Variants in SMCHD1 observed in about 807,000 individuals in gnomAD.
SMCHD1 encodes structural maintenance of chromosomes flexible hinge domain containing 1.
A neutral mutation model predicts 254.7 loss-of-function variants in SMCHD1; 78 were observed. That is an observed-to-expected ratio of 0.31 (90% confidence interval 0.26 to 0.37). SMCHD1 has a LOEUF of 0.37. SMCHD1 is among the 10% of genes least tolerant of loss of function. SMCHD1 has a pLI of 1.00. For synonymous variants in SMCHD1, 766 were observed against 794.9 expected (o/e 0.96, Z 0.61); for missense variants, 1,840 against 2,408.1 (o/e 0.76, Z 4.94).
chr18:2,681,938 C>T (rs187108782), intron 5 of SMCHD1, among the ~76,000 whole-genome samples: 3 of 152,312 alleles, frequency 2.0e-5, no homozygotes, highest in African/African-American at 7.2e-5. Context: ...AAGATTTTTC[C>T]TAATATTCCT....
chr18:2,689,291 C>G (rs548315315), intron 7 of SMCHD1, among the ~76,000 whole-genome samples: 1 of 146,096 alleles, frequency 6.8e-6, no homozygotes, highest in Non-Finnish European at 1.5e-5. Context: ...AACCTCAGCT[C>G]GCTGCAACCT....
At position 2,656,243 on chromosome 18, in the gene SMCHD1, T is replaced by A; in HGVS notation, c.168T>A (p.Phe56Leu). Residue 56 changes from phenylalanine (F) to leucine (L), a missense_variant, in exon 1 of 48, where the codon TTT becomes TTA. By Grantham distance (22) the Phe-to-Leu change is conservative. Around this residue, in one of 9 missense-constraint regions of SMCHD1, gnomAD observed 115 missense variants for 99.1 expected, o/e 1.16. Coordinates refer to ENST00000320876, the MANE Select transcript of SMCHD1 (RefSeq NM_015295.3). ...GGGAGCGCTCGGACTACGCGGGATT[T>A]CGCGCGTGTGTGTGTCAGGTACGCG... ...QVGERSDYAGFRACVCQTLGI... is the reference protein window; with the variant it reads ...QVGERSDYAGLRACVCQTLGI... 1 of 1,502,712 alleles carries A rather than the reference T, an allele frequency of 6.7e-7. No individual in the cohort carries two copies. The highest frequency in any genetic ancestry group is 8.8e-7 in the Non-Finnish European group (1 of 1,135,748). 93.1% of individuals were successfully genotyped at this position (1,502,712 alleles called of 1,614,324 possible).
rs886043146 is a variant in SMCHD1 at position 2,705,693 on chromosome 18, G to A, written c.1843-1G>A. On this transcript the variant is annotated splice_acceptor_variant, in intron 13 of 47. Transcript: ENST00000320876. LOFTEE classifies it high-confidence loss of function. ...TTTTTTTTTTAAAAACTAAATATTA[G>A]GTCAAGACAATCAAGACACTTCCCC... The A allele has an allele frequency of 6.9e-7, 1 of 1,457,930 alleles. No individual in the cohort carries two copies. The highest frequency in any genetic ancestry group is 9.5e-7 in the Non-Finnish European group (1 of 1,052,674). The allele number at this position is 1,457,930 out of a possible 1,614,324, so 90.3% of individuals were successfully genotyped here.
At chr18:2,673,981 TTTCC>T (rs768244304) in intron 4 of SMCHD1, 30 bp from the exon 5 acceptor site, 51 of 1,543,960 alleles carry the variant, frequency 3.3e-5, no homozygotes, top group Non-Finnish European at 4.3e-5. Flanking sequence ...TGATTTGACT[TTTCC>T]TGTCTTTTTG....
chr18:2,795,618 G>A (rs767777147), intron 45 of SMCHD1, among the ~76,000 whole-genome samples: 1 of 152,098 alleles, frequency 6.6e-6, no homozygotes, highest in Non-Finnish European at 1.5e-5. Flanking sequence ...TGTCCACATG[G>A]AATTATATTG....
At position 2,752,474 on chromosome 18, in the gene SMCHD1, A is replaced by C; in HGVS notation, c.4282-14A>C. On this transcript the variant is annotated splice_polypyrimidine_tract_variant and intron_variant, in intron 33 of 47. Coordinates refer to ENST00000320876, the MANE Select transcript of SMCHD1 (RefSeq NM_015295.3). Reference sequence around the variant, plus strand: ...ATTTTCCCCTCTCCCCTTCTCTCCTACTCCCCTTTCTAGGCAGAAACATTT... The same window carrying C: ...ATTTTCCCCTCTCCCCTTCTCTCCTCCTCCCCTTTCTAGGCAGAAACATTT... The C allele has an allele frequency of 6.3e-7, 1 of 1,583,414 alleles. No homozygotes were observed. Among genetic ancestry groups the C allele is most frequent in the Middle Eastern group, 1.7e-4 (1 of 5,986 alleles).
intron 44 of SMCHD1, among the ~76,000 whole-genome samples, chr18:2,780,237 CT>C (rs1568374953): frequency 3.3e-5 from 1 of 29,866 alleles, no homozygotes; most frequent in Non-Finnish European, 5.2e-5. Context: ...AAGACTCTAT[CT>C]AAAAAAAAAA....
chr18:2,668,141 A>G lies in SMCHD1; in HGVS notation c.424+1110A>G, dbSNP rs530930684. 2.4e-4 allele frequency among the ~76,000 whole-genome samples: 37 copies of G among 152,240 alleles called. 1 individual carries two copies. In the South Asian group the frequency reaches 7.7e-3, roughly 32 times the overall value. ...GTGATCCTCCCGCCTCGGCCTCCCA[A>G]AGTGCTGGGATTACAGGTATAAGCC... On this transcript the variant is annotated intron_variant, in intron 3 of 47. Transcript: ENST00000320876.
rs1221203999 is a variant in SMCHD1, at chr18:2,804,077, C to T, written c.*1525C>T. On this transcript the variant is annotated 3_prime_UTR_variant, in exon 48 of 48. Transcript: ENST00000320876. Reference sequence around the variant, plus strand: ...CGTACCAATATTTGGAGTCCTTAGACATTAGATTATATGAAAATGATTGAT... The same window carrying T: ...CGTACCAATATTTGGAGTCCTTAGATATTAGATTATATGAAAATGATTGAT... 2 of 152,090 alleles carry T rather than the reference C, an allele frequency of 1.3e-5. No individual in the cohort carries two copies. The highest frequency in any genetic ancestry group is 3.8e-4 in the East Asian group (2 of 5,196). The allele number at this position is 152,090 out of a possible 1,614,324, so 9.4% of individuals were successfully genotyped here.
intron 28 of SMCHD1, 80 bp from the exon 29 acceptor site, chr18:2,743,681 T>G: frequency 9.4e-7 from 1 of 1,069,100 alleles, no homozygotes; most frequent in South Asian, 2.0e-5. Context: ...GCCCATGGGT[T>G]AATGACAAAA....
chr18:2,749,556 T>C (rs898106700), intron 30 of SMCHD1, among the ~76,000 whole-genome samples: 2 of 152,244 alleles, frequency 1.3e-5, no homozygotes, highest in African/African-American at 4.8e-5. Context: ...TGGTTATCAC[T>C]GTGAATGTAG....
intron 5 of SMCHD1, 38 bp downstream of exon 5, chr18:2,674,183 A>C (rs770274346): frequency 8.5e-5 from 130 of 1,523,524 alleles, no homozygotes; most frequent in Non-Finnish European, 1.1e-4. Flanking sequence ...GTGGGTAGCT[A>C]TGTATTTTAG....
intron 5 of SMCHD1, among the ~76,000 whole-genome samples, chr18:2,682,135 T>G (rs2073944429): frequency 6.6e-6 from 1 of 152,130 alleles, no homozygotes; most frequent in Non-Finnish European, 1.5e-5. Context: ...GGTGGCCAGT[T>G]TTGTTAGAGG....
chr18:2,711,503 G>A (rs1478456346), intron 17 of SMCHD1, among the ~76,000 whole-genome samples: 1 of 83,720 alleles, frequency 1.2e-5, no homozygotes, highest in African/African-American at 4.9e-5. Flanking sequence ...TTTTTTTTGA[G>A]ACGGAGTCTC....
chr18:2,771,606 T>C lies in SMCHD1; in HGVS notation c.5040T>C (p.Pro1680=). 6.4e-7 allele frequency: 1 copy of C among 1,564,324 alleles called. No individual in the cohort carries two copies. Among genetic ancestry groups the C allele is most frequent in the Non-Finnish European group, 8.6e-7 (1 of 1,165,986 alleles). The part of the protein sequence containing the change: ...NELKIHNIDI[P]TTQQVPHIEA... ...TAAAAATACATAATATTGACATTCCTACAACACAACAGGTACAGCTTCCAA... is the reference window on the plus strand; with the variant it reads ...TAAAAATACATAATATTGACATTCCCACAACACAACAGGTACAGCTTCCAA... Residue 1680 remains proline, a synonymous_variant, in exon 40 of 48, where the codon CCT becomes CCC. Coordinates refer to ENST00000320876, the MANE Select transcript of SMCHD1 (RefSeq NM_015295.3).
rs746741499 is a variant in SMCHD1, at chr18:2,751,338, G to T, written c.4226G>T (p.Arg1409Leu). The T allele has an allele frequency of 2.5e-6, 4 of 1,580,350 alleles. No homozygotes were observed. Among genetic ancestry groups the T allele is most frequent in the Non-Finnish European group, 3.4e-6 (4 of 1,168,806 alleles). Residue 1409 changes from arginine to leucine, a missense_variant, in exon 33 of 48, where the codon CGT becomes CTT. By Grantham distance (102) the Arg-to-Leu change is moderately radical. Around this residue, in one of 9 missense-constraint regions of SMCHD1, gnomAD observed 881 missense variants for 1,009.5 expected, o/e 0.87. Transcript: ENST00000320876. ...ATCATTAAAAACATTAATCCAGCAC[G>T]TATTTCCATGAAAATGTGGAAGCTG... The part of the protein sequence containing the change: ...DSIIKNINPA[R>L]ISMKMWKLST...
At chr18:2,701,524 A>G (rs1197319448) in intron 12 of SMCHD1, among the ~76,000 whole-genome samples, 1 of 152,204 alleles carries the variant, frequency 6.6e-6, no homozygotes, top group Non-Finnish European at 1.5e-5. Flanking sequence ...GAGAACATGT[A>G]TGAACAATTG....
chr18:2,687,085 T>G (rs1028103291), intron 5 of SMCHD1, among the ~76,000 whole-genome samples: 8 of 152,182 alleles, frequency 5.3e-5, no homozygotes, highest in African/African-American at 1.9e-4. Context: ...TCCCCCAACT[T>G]AAGGACTTCA....
In SMCHD1 at chr18:2,706,403, A is replaced by G. The variant is rs529127480; in HGVS notation, c.1996A>G (p.Ile666Val). ...ATATGATGAAGTAAGAACTGTGCCA[A>G]TTGCAAAGCTGGATAGGACAGTTGC... Reference protein sequence around the residue: ...ALYDEVRTVPIAKLDRTVAEK... With the variant: ...ALYDEVRTVPVAKLDRTVAEK... Residue 666 changes from isoleucine to valine, a missense_variant, in exon 15 of 48, where the codon ATT (isoleucine) becomes GTT (valine). Physicochemically the swap from Ile to Val is conservative, Grantham distance 29. Transcript: ENST00000320876. The G allele has an allele frequency of 1.9e-5, 31 of 1,592,212 alleles. No individual in the cohort carries two copies. The highest frequency in any genetic ancestry group is 6.7e-5 in the African/African-American group (5 of 74,680).
Sources: gnomAD v4.1 joint callset for allele counts (sites outside exome capture counted in the v4.1 genomes callset) on GRCh38, gnomAD v4.1.1 for gene constraint, gnomAD v4.1.1 regional missense constraint, MANE v1.5 for transcripts, NCBI Gene and HGNC (gene_info 2026-07-23, HGNC 2026-07-21) for gene names.